The following TOM1L1 variants were observed in gnomAD, a reference collection of about 807,000 sequenced individuals.
TOM1L1 encodes target of myb1 like 1 membrane trafficking protein, also known as TOM1-like protein 1.
Under a neutral mutation model 63.4 loss-of-function variants are expected in TOM1L1, and 64 were observed. That is an observed-to-expected ratio of 1.01 (90% confidence interval 0.83 to 1.24). The LOEUF is 1.24. Among genes scored for constraint, TOM1L1 ranks in the 50% most tolerant of loss-of-function variants. The pLI is 0.00. For synonymous variants in TOM1L1, 166 were observed against 194.4 expected, an observed-to-expected ratio of 0.85 and a Z score of 1.22; for missense variants, 536 against 567.0, an observed-to-expected ratio of 0.95 and a Z score of 0.55.
intron 3 of TOM1L1, among the ~76,000 whole-genome samples, chr17:54,910,454 TCAAA>T (rs527274539): frequency 2.0e-5 from 3 of 152,180 alleles, no homozygotes; most frequent in South Asian, 2.1e-4. Flanking sequence ...AGACCCTGTC[TCAAA>T]CAAACAAACA....
chr17:54,944,217 G>T (rs991968777), intron 11 of TOM1L1, among the ~76,000 whole-genome samples: 1 of 152,080 alleles, frequency 6.6e-6, no homozygotes, highest in Non-Finnish European at 1.5e-5. Context: ...GGAGGACGAG[G>T]TGGGTGGATC....
chr17:54,926,749 C>T (rs2048775984), intron 7 of TOM1L1, among the ~76,000 whole-genome samples: 1 of 152,198 alleles, frequency 6.6e-6, no homozygotes, highest in South Asian at 2.1e-4. Flanking sequence ...AAAGGACTGT[C>T]AGCATCTTTG....
intron 11 of TOM1L1, among the ~76,000 whole-genome samples, chr17:54,943,549 T>C (rs1329414563): frequency 6.6e-6 from 1 of 151,802 alleles, no homozygotes; most frequent in Admixed American, 6.6e-5. Flanking sequence ...TTGCTAATTT[T>C]GTTAGCAAAA....
rs769587863 is a variant in TOM1L1, at chr17:54,949,521, C to G, written c.1186C>G (p.Leu396Val). 7 of 1,612,756 alleles carry G rather than the reference C, an allele frequency of 4.3e-6. No homozygotes were observed. In the African/African-American group the frequency reaches 8.0e-5, roughly 18 times the overall value. ...LTSSHAYDNFLEHSNSVFLQP... is the reference protein window; with the variant it reads ...LTSSHAYDNFVEHSNSVFLQP... The stretch of plus-strand genomic sequence containing the variant: ...ACATGTGTTATGCTTTCTTCAGTTT[C>G]TGGAACATTCAAATTCAGTGTTTCT... The change falls in exon 13 of 16, where the codon CTG becomes GTG. Residue 396 changes from leucine to valine, a missense_variant. By Grantham distance (32) the Leu-to-Val change is conservative. Coordinates refer to ENST00000575882, the MANE Select transcript of TOM1L1 (RefSeq NM_005486.3).
At chr17:54,901,078 C>T (rs535044084) in intron 1 of TOM1L1, 155 bp downstream of exon 1, 5 of 992,434 alleles carry the variant, frequency 5.0e-6, no homozygotes, top group African/African-American at 1.6e-5. Flanking sequence ...CGCATTCCAC[C>T]CGGCCCCCTT....
chr17:54,931,300 AC>A (rs1275902335), intron 8 of TOM1L1, among the ~76,000 whole-genome samples: 1 of 152,120 alleles, frequency 6.6e-6, no homozygotes, highest in East Asian at 1.9e-4. Context: ...GGATAATAAT[AC>A]CTTTTTAGAG....
intron 7 of TOM1L1, 142 bp from the exon 8 acceptor site, chr17:54,929,931 T>C: frequency 1.1e-6 from 1 of 919,264 alleles, no homozygotes. Context: ...AAGGATAAGC[T>C]GTTTATAGTT....
chr17:54,902,420 G>C (rs368709696), intron 1 of TOM1L1, among the ~76,000 whole-genome samples: 1 of 152,162 alleles, frequency 6.6e-6, no homozygotes, highest in East Asian at 1.9e-4. Flanking sequence ...CTCCCGAGTA[G>C]CTGGGACTAC....
intron 4 of TOM1L1, among the ~76,000 whole-genome samples, chr17:54,913,018 T>G (rs1038105665): frequency 6.6e-6 from 1 of 152,228 alleles, no homozygotes; most frequent in Non-Finnish European, 1.5e-5. Flanking sequence ...ATTTCCCTGC[T>G]TTCCTCTCAG....
In TOM1L1 at chr17:54,920,173, A is replaced by C. The variant is rs2048660473; in HGVS notation, c.720+4311A>C. Among the ~76,000 whole-genome samples, 2 of 152,092 alleles carry C rather than the reference A, an allele frequency of 1.3e-5. 1 individual carries two copies. The highest frequency in any genetic ancestry group is 4.8e-5 in the African/African-American group (2 of 41,416). On this transcript the variant is annotated intron_variant, in intron 7 of 15. Coordinates refer to ENST00000575882, the MANE Select transcript of TOM1L1 (RefSeq NM_005486.3). Reference sequence around the variant, plus strand: ...TGGTTGGCTGCCCCCTTATAACTGCAGGGGCTTTTGGAGGCTTCAGCATAA... The same window carrying C: ...TGGTTGGCTGCCCCCTTATAACTGCCGGGGCTTTTGGAGGCTTCAGCATAA...
intron 11 of TOM1L1, among the ~76,000 whole-genome samples, chr17:54,944,801 T>G (rs2049091043): frequency 6.6e-6 from 1 of 152,246 alleles, no homozygotes; most frequent in Non-Finnish European, 1.5e-5. Flanking sequence ...GATAATGTAT[T>G]GTGGTTCTGT....
At position 54,931,254 on chromosome 17, in the gene TOM1L1, GT is replaced by G. The variant is rs528134956; in HGVS notation, c.854+1055del. 2.4e-3 allele frequency among the ~76,000 whole-genome samples: 358 copies of G among 152,196 alleles called. 1 individual carries two copies. The highest frequency in any genetic ancestry group is 8.1e-3 in the African/African-American group (336 of 41,514). ...GTTGCATAACTTTTCTAAGATTTAA[GT>G]TTTTTTCTTTCTTATTTTTTTGATG... is the stretch of plus-strand genomic sequence containing the variant. On this transcript the variant is annotated intron_variant, in intron 8 of 15. Transcript: ENST00000575882.
intron 11 of TOM1L1, among the ~76,000 whole-genome samples, chr17:54,941,174 C>A (rs2049027295): frequency 6.6e-6 from 1 of 152,122 alleles, no homozygotes; most frequent in Non-Finnish European, 1.5e-5. Flanking sequence ...GTGTTCTGAA[C>A]CTTTTGTTTT....
chr17:54,952,546 CAAAAA>C (rs71159275), intron 14 of TOM1L1: 1,363 of 90,168 alleles, frequency 0.015, 19 homozygotes, highest in African/African-American at 0.053. Flanking sequence ...GAGACTGTCT[CAAAAA>C]AAAAAAAAAA....
chr17:54,917,256 C>G (rs1162369283), intron 7 of TOM1L1: 1 of 152,038 alleles, frequency 6.6e-6, no homozygotes, highest in Admixed American at 6.6e-5. Context: ...TCTTTCTATT[C>G]TCTTCTTATG....
Position 54,961,633 on chromosome 17 carries a change from T to C in TOM1L1, c.*400T>C. 1 of 1,099,640 alleles carries C rather than the reference T, an allele frequency of 9.1e-7. No homozygotes were observed. The highest frequency in any genetic ancestry group is 1.1e-6 in the Non-Finnish European group (1 of 903,180). The allele number at this position is 1,099,640 out of a possible 1,614,324, so 68.1% of individuals were successfully genotyped here. On this transcript the variant is annotated 3_prime_UTR_variant, in exon 16 of 16. Coordinates refer to ENST00000575882, the MANE Select transcript of TOM1L1 (RefSeq NM_005486.3). Reference sequence around the variant, plus strand: ...GATGAAAGCATAAAATGTGAGAAACTGAATGTATTATTCAGGAAGAATACT... The same window carrying C: ...GATGAAAGCATAAAATGTGAGAAACCGAATGTATTATTCAGGAAGAATACT...
intron 14 of TOM1L1, among the ~76,000 whole-genome samples, chr17:54,950,911 T>A (rs989276008): frequency 1.3e-5 from 2 of 152,196 alleles, no homozygotes; most frequent in Non-Finnish European, 2.9e-5. Context: ...CCCCCAAATA[T>A]GTGAGGATTT....
chr17:54,907,864 C>T (rs1030830982), intron 3 of TOM1L1, among the ~76,000 whole-genome samples: 6 of 152,088 alleles, frequency 3.9e-5, no homozygotes, highest in Non-Finnish European at 7.4e-5. Context: ...AACAATTTGC[C>T]GCTTTCTCCA....
At chr17:54,932,260 G>A (rs927344836) in intron 8 of TOM1L1, among the ~76,000 whole-genome samples, 40 of 152,290 alleles carry the variant, frequency 2.6e-4, no homozygotes, top group African/African-American at 8.4e-4. Flanking sequence ...GTGATTGATT[G>A]AGCAAGCAGG....
Sources: allele counts gnomAD v4.1 joint callset (sites outside exome capture counted in the v4.1 genomes callset), GRCh38; gene constraint gnomAD v4.1.1; transcripts MANE v1.5; gene names NCBI Gene and HGNC (gene_info 2026-07-23, HGNC 2026-07-21).